The following ELL3 variants were observed in gnomAD, a reference collection of about 807,000 sequenced individuals.
ELL3 encodes the protein RNA polymerase II elongation factor ELL3.
ELL3 carries 48 observed loss-of-function variants against 58.5 expected under a neutral mutation model. That is an observed-to-expected ratio of 0.82 (90% CI 0.65 to 1.04). The LOEUF (loss-of-function observed/expected upper bound fraction) is 1.04. ELL3 is among the 50% of genes least tolerant of loss of function. The pLI is 0.00. For synonymous variants in ELL3, 174 were observed against 173.2 expected (o/e 1.00, Z -0.04); for missense variants, 458 against 478.4 (o/e 0.96, Z 0.40).
chr15:43,775,487 C>T (rs1223584284), intron 5 of ELL3, 38 bp downstream of exon 5: 2 of 1,612,886 alleles, frequency 1.2e-6, no homozygotes, highest in Admixed American at 3.3e-5. Context: ...AAGACAATGC[C>T]AAAGCTTCCC....
chr15:43,773,017 C>A lies in ELL3; in HGVS notation c.*99G>T. 1 of 1,155,698 alleles carries A rather than the reference C, an allele frequency of 8.7e-7. No homozygotes were observed. Among genetic ancestry groups the A allele is most frequent in the South Asian group, 1.5e-5 (1 of 65,264 alleles). 71.6% of individuals were successfully genotyped at this position (1,155,698 alleles called of 1,614,324 possible). A position where few individuals can be genotyped will look rare whatever the true frequency, so the allele number is the denominator to read the frequency against. ...ACTTGCCACCATGGACTCCAGTGGT[C>A]AGCATAAGAAAAGCAGATAGTTGCA... On this transcript the variant is annotated 3_prime_UTR_variant, in exon 11 of 11. Coordinates refer to ENST00000319359, the MANE Select transcript of ELL3 (RefSeq NM_025165.3).
intron 9 of ELL3, among the ~76,000 whole-genome samples, 185 bp downstream of exon 9, chr15:43,773,996 TC>T (rs1275411381): frequency 6.6e-6 from 1 of 151,780 alleles, no homozygotes; most frequent in African/African-American, 2.4e-5. Flanking sequence ...AGCTAGACTG[TC>T]CCCCCAAAAA....
chr15:43,774,624 T>C lies in ELL3; in HGVS notation c.795A>G (p.Arg265=). 6.2e-7 allele frequency: 1 copy of C among 1,614,208 alleles called. No homozygotes were observed. The highest frequency in any genetic ancestry group is 8.5e-7 in the Non-Finnish European group (1 of 1,180,034). ...CTTGAACTGAGGAACTGTGTTCTAA[T>C]CTGGGGTCCATGTCCTCATCTTCTT... The part of the protein sequence containing the change: ...WEQEDEDMDP[R]LEHSSSVQED... Residue 265 remains arginine, a synonymous_variant, in exon 7 of 11, where the codon AGA becomes AGG. Coordinates refer to ENST00000319359, the MANE Select transcript of ELL3 (RefSeq NM_025165.3).
intron 6 of ELL3, 37 bp from the exon 7 acceptor site, chr15:43,774,810 A>C (rs2086902824): frequency 6.5e-7 from 1 of 1,550,322 alleles, no homozygotes; most frequent in Non-Finnish European, 8.7e-7. Flanking sequence ...TAAACAGCCA[A>C]GAGCTTCCTA....
chr15:43,773,206 T>G lies in ELL3; in HGVS notation c.1104A>C (p.Glu368Asp). 6.2e-7 allele frequency: 1 copy of G among 1,613,982 alleles called. No individual in the cohort carries two copies. Among genetic ancestry groups the G allele is most frequent in the Non-Finnish European group, 8.5e-7 (1 of 1,179,976 alleles). Reference protein sequence around the residue: ...KFRKQYPSYREEKRRCEYLHQ... With the variant: ...KFRKQYPSYRDEKRRCEYLHQ... ...GAAGGTACTCACAGCGACGCTTTTC[T>G]TCTCTGTAACTTGGGTACTGCTGCA... Residue 368 changes from glutamate (E) to aspartate (D), a missense_variant, in exon 11 of 11, where the codon GAA becomes GAC. Transcript: ENST00000319359.
chr15:43,776,322 T>C, intron 2 of ELL3, 171 bp from the exon 3 acceptor site: 1 of 1,126,120 alleles, frequency 8.9e-7, no homozygotes, highest in Non-Finnish European at 1.3e-6. Flanking sequence ...AACAGCACAG[T>C]CCCCTCAAAC....
intron 2 of ELL3, 63 bp downstream of exon 2, chr15:43,776,446 C>A: frequency 5.2e-6 from 8 of 1,552,740 alleles, no homozygotes; most frequent in Non-Finnish European, 6.1e-6. Flanking sequence ...CACCTTCCAC[C>A]TCCAGCCCAC....
At chr15:43,776,658 A>G in intron 1 of ELL3, 112 bp downstream of exon 1, 1 of 1,544,618 alleles carries the variant, frequency 6.5e-7, no homozygotes, top group Non-Finnish European at 8.8e-7. Context: ...AGAGGTGGGG[A>G]GGCCAGAGCT....
At chr15:43,776,416 G>T in intron 2 of ELL3, 93 bp downstream of exon 2, 1 of 1,535,284 alleles carries the variant, frequency 6.5e-7, no homozygotes, top group Non-Finnish European at 8.8e-7. Flanking sequence ...GTGACTACTC[G>T]CAGCCTCCGG....
chr15:43,773,858 TG>T (rs905504569), intron 9 of ELL3, among the ~76,000 whole-genome samples: 12 of 151,816 alleles, frequency 7.9e-5, no homozygotes, highest in African/African-American at 2.7e-4. Context: ...AAAAAGTGGC[TG>T]GGCATGGTGG....
At position 43,775,315 on chromosome 15, in the gene ELL3, A is replaced by G. The variant is rs2086906175; in HGVS notation, c.636T>C (p.Arg212=). ...TGCCATTCTAACTTACCTTGTCCAG[A>G]CGTTTCCGGCTGGCAGAGGAAGGCA... The part of the protein sequence containing the change: ...QALPSSASRK[R]LDKKRSVPVA... Residue 212 remains arginine (R), a synonymous_variant, in exon 6 of 11, where the codon CGT becomes CGC. Coordinates refer to ENST00000319359, the MANE Select transcript of ELL3 (RefSeq NM_025165.3). 1.2e-6 allele frequency: 2 copies of G among 1,611,812 alleles called. No individual in the cohort carries two copies.
At position 43,776,177 on chromosome 15, in the gene ELL3, C is replaced by A. The variant is rs564435843; in HGVS notation, c.169-26G>T. The A allele has an allele frequency of 1.1e-5, 17 of 1,600,472 alleles. No individual in the cohort carries two copies. In the South Asian group the frequency reaches 1.9e-4, roughly 18 times the overall value. ...CTGGGGGTGGAAGGAGACGGTAAGC[C>A]CCATGAAGTCAGCCCCTCCCCCTCC... On this transcript the variant is annotated intron_variant, in intron 2 of 10. Transcript: ENST00000319359.
intron 7 of ELL3, 28 bp downstream of exon 7, chr15:43,774,568 C>A (rs763925582): frequency 6.2e-7 from 1 of 1,613,982 alleles, no homozygotes; most frequent in Admixed American, 1.7e-5. Context: ...TTTCCACTGG[C>A]ATTTTTACCC....
At chr15:43,776,273 C>T in intron 2 of ELL3, 122 bp from the exon 3 acceptor site, 1 of 1,108,626 alleles carries the variant, frequency 9.0e-7, no homozygotes, top group Non-Finnish European at 1.3e-6. Context: ...CTTGTTAGCA[C>T]ACCAGGTGCA....
Position 43,775,821 on chromosome 15 carries a change from G to A in ELL3, c.384C>T (p.His128=), listed in dbSNP as rs138259199. The A allele has an allele frequency of 6.2e-7, 1 of 1,614,188 alleles. No individual in the cohort carries two copies. The highest frequency in any genetic ancestry group is 8.5e-7 in the Non-Finnish European group (1 of 1,180,038). The part of the protein sequence containing the change: ...SIPAPSSVQG[H]NLTEDARHPE... ...GATGTCTGGCATCTTCAGTCAGGTT[G>A]TGTCCCTGAACTGATGATGGGGCTG... The change falls in exon 4 of 11, where the codon CAC becomes CAT. Residue 128 remains histidine (H), a synonymous_variant. Coordinates refer to ENST00000319359, the MANE Select transcript of ELL3 (RefSeq NM_025165.3).
chr15:43,776,960 C>A lies in ELL3; in HGVS notation c.-59G>T. ...CACAGGCGAGGGCCACCACCGCCAC[C>A]TCCTCTGTTCAGGGTTTGGTTGGCA... On this transcript the variant is annotated 5_prime_UTR_variant, in exon 1 of 11. In the 5' UTR this introduces an upstream ATG that the reference lacks. Transcript: ENST00000319359. 6.3e-7 allele frequency: 1 copy of A among 1,596,858 alleles called. No homozygotes were observed. The highest frequency in any genetic ancestry group is 8.5e-7 in the Non-Finnish European group (1 of 1,176,830).
chr15:43,775,916 G>A lies in ELL3; in HGVS notation c.289C>T (p.Pro97Ser). 3 of 1,614,100 alleles carry A rather than the reference G, an allele frequency of 1.9e-6. No individual in the cohort carries two copies. The highest frequency in any genetic ancestry group is 2.5e-6 in the Non-Finnish European group (3 of 1,179,994). The part of the protein sequence containing the change: ...LVCQRFLRSG[P>S]NSLHCLGSLR... ...GAGCCCAGGCAGTGGAGGCTGTTAG[G>A]CCCAGACCTGGAAAAGGATGGTGGA... The change falls in exon 4 of 11, where the codon CCT (proline) becomes TCT (serine). Residue 97 changes from proline to serine, a missense_variant. Physicochemically the swap from Pro to Ser is moderately conservative, Grantham distance 74 (BLOSUM62 -1). Coordinates refer to ENST00000319359, the MANE Select transcript of ELL3 (RefSeq NM_025165.3).
At chr15:43,776,196 C>G (rs1345399926) in intron 2 of ELL3, 45 bp from the exon 3 acceptor site, 1 of 1,539,560 alleles carries the variant, frequency 6.5e-7, no homozygotes, top group African/African-American at 1.4e-5. Context: ...TCAGCCCCTC[C>G]CCCTCCTGCC....
rs753146697 is a variant in ELL3 at position 43,776,503 on chromosome 15, A to C, written c.168+6T>G. ...CCTCGCTCACACACCCTGAGCTCGC[A>C]CTTACCCCTCGGTGGCCTTGGAAAG... is the stretch of plus-strand genomic sequence containing the variant. On this transcript the variant is annotated splice_donor_region_variant and intron_variant, in intron 2 of 10. Transcript: ENST00000319359. 58 of 1,563,540 alleles carry C rather than the reference A, an allele frequency of 3.7e-5. No individual in the cohort carries two copies. In the East Asian group the frequency reaches 1.3e-3, roughly 36 times the overall value.
Sources: gnomAD v4.1 joint callset for allele counts (sites outside exome capture counted in the v4.1 genomes callset) on GRCh38, gnomAD v4.1.1 for gene constraint, MANE v1.5 for transcripts, NCBI Gene and HGNC (gene_info 2026-07-23, HGNC 2026-07-21) for gene names.